The following GRIN2A variants were observed in gnomAD, a reference collection of about 807,000 sequenced individuals.
GRIN2A encodes the protein glutamate ionotropic receptor NMDA type subunit 2A, also known as glutamate receptor ionotropic, NMDA 2A.
In GRIN2A, 22 loss-of-function variants were observed where a neutral mutation model predicts 113.4. The ratio of observed to expected loss-of-function variants is 0.19; its 90% CI spans 0.14 to 0.28. The LOEUF is 0.28. Ranked by LOEUF, GRIN2A falls within the 10% of genes least tolerant of loss-of-function variation. The pLI is 1.00. For synonymous variants in GRIN2A, 827 were observed against 738.4 expected, an observed-to-expected ratio of 1.12 and a Z score of -1.94; for missense variants, 1,502 against 1,887.0, an observed-to-expected ratio of 0.80 and a Z score of 3.78.
chr16:9,833,744 G>C (rs945283071), intron 8 of GRIN2A, among the ~76,000 whole-genome samples: 1 of 152,182 alleles, frequency 6.6e-6, no homozygotes, highest in African/African-American at 2.4e-5. Flanking sequence ...GTGTGTGATT[G>C]AGTCTCGCTC....
chr16:9,999,609 AG>A (rs1376190998), intron 2 of GRIN2A, among the ~76,000 whole-genome samples: 1 of 152,034 alleles, frequency 6.6e-6, no homozygotes, highest in African/African-American at 2.4e-5. Flanking sequence ...GGGCTAGGGG[AG>A]GGATAGCATT....
chr16:9,812,293 C>T (rs1332925537), intron 10 of GRIN2A, among the ~76,000 whole-genome samples: 1 of 152,158 alleles, frequency 6.6e-6, no homozygotes, highest in Admixed American at 6.5e-5. Flanking sequence ...GCATTTAACA[C>T]AGTACCTGGC....
chr16:10,091,004 T>A (rs1207280258), intron 2 of GRIN2A, among the ~76,000 whole-genome samples: 2 of 152,156 alleles, frequency 1.3e-5, no homozygotes, highest in African/African-American at 4.8e-5. Context: ...CACTTCCATA[T>A]ACACACTAGA....
At chr16:9,808,514 T>C (rs776144044) in intron 10 of GRIN2A, among the ~76,000 whole-genome samples, 19 of 152,296 alleles carry the variant, frequency 1.2e-4, no homozygotes, top group Non-Finnish European at 2.4e-4. Context: ...AAAATGCTAT[T>C]ATGTGTTAGA....
chr16:10,028,288 T>C (rs80085879), intron 2 of GRIN2A, among the ~76,000 whole-genome samples: 3,350 of 152,310 alleles, frequency 0.022, 109 homozygotes, highest in East Asian at 0.15. Context: ...CAGCCATGAT[T>C]CAAATGCAGG....
rs561317111 is a variant in GRIN2A at position 10,154,459 on chromosome 16, T to G, written c.414+25539A>C. Among the ~76,000 whole-genome samples the G allele has an allele frequency of 1.1e-4, 16 of 152,278 alleles. 1 individual carries two copies. In the South Asian group the frequency reaches 3.3e-3, roughly 32 times the overall value. On this transcript the variant is annotated intron_variant, in intron 2 of 12. Coordinates refer to ENST00000330684, the MANE Select transcript of GRIN2A (RefSeq NM_001134407.3). Reference sequence around the variant, plus strand: ...GCAATCTAACATTATATATTTACCGTGTTTATATTTTGTCCCCATCCCCTG... The same window carrying G: ...GCAATCTAACATTATATATTTACCGGGTTTATATTTTGTCCCCATCCCCTG...
chr16:9,850,682 C>T (rs1038068506), intron 4 of GRIN2A, among the ~76,000 whole-genome samples: 2 of 152,072 alleles, frequency 1.3e-5, no homozygotes, highest in African/African-American at 4.8e-5. Flanking sequence ...AGATACAGTT[C>T]TATTTAAGTT....
chr16:10,038,025 T>G (rs1567252001), intron 2 of GRIN2A, among the ~76,000 whole-genome samples: 1 of 152,220 alleles, frequency 6.6e-6, no homozygotes, highest in Non-Finnish European at 1.5e-5. Context: ...AATGCTTTTC[T>G]GCCTTAGTCT....
At chr16:9,943,616 C>T (rs2044944088) in intron 2 of GRIN2A, among the ~76,000 whole-genome samples, 1 of 152,178 alleles carries the variant, frequency 6.6e-6, no homozygotes, top group Non-Finnish European at 1.5e-5. Flanking sequence ...CAAGAGATAA[C>T]GCAAGTGGCA....
rs188343655 is a variant in GRIN2A at position 9,980,039 on chromosome 16, C to A, written c.415-41488G>T. ...TTTTGGGAAGCCAAGGCAGGCAGAT[C>A]ACTTGATGCCAGGAGTTCAAGACCA... On this transcript the variant is annotated intron_variant, in intron 2 of 12. Transcript: ENST00000330684. 1.1e-3 allele frequency among the ~76,000 whole-genome samples: 171 copies of A among 151,726 alleles called. 3 individuals are homozygous for A. The highest frequency in any genetic ancestry group is 9.8e-3 in the Admixed American group (149 of 15,216).
At chr16:9,996,024 C>CAAAAAAAAAAAA (rs57133009) in intron 2 of GRIN2A, among the ~76,000 whole-genome samples, 11 of 51,140 alleles carry the variant, frequency 2.2e-4, no homozygotes, top group South Asian at 1.1e-3. Context: ...CAGAGGGTGG[C>CAAAAAAAAAAAA]AAAAAAAAAA....
intron 2 of GRIN2A, among the ~76,000 whole-genome samples, chr16:9,951,982 C>T (rs1451810739): frequency 1.3e-5 from 2 of 152,140 alleles, no homozygotes; most frequent in Non-Finnish European, 2.9e-5. Flanking sequence ...TGCCCAGTGA[C>T]CTCCCAGCCC....
intron 3 of GRIN2A, among the ~76,000 whole-genome samples, chr16:9,922,449 G>C (rs1282880581): frequency 6.6e-6 from 1 of 152,114 alleles, no homozygotes; most frequent in East Asian, 1.9e-4. Context: ...TAAAAACTCG[G>C]ATGAAGGCAG....
chr16:9,972,390 C>T (rs148559225), intron 2 of GRIN2A, among the ~76,000 whole-genome samples: 89 of 152,140 alleles, frequency 5.8e-4, no homozygotes, highest in African/African-American at 2.1e-3. Flanking sequence ...GCAAAAAAGA[C>T]TTACTTTACA....
chr16:9,891,212 T>C, intron 3 of GRIN2A, 112 bp from the exon 4 acceptor site: 1 of 717,470 alleles, frequency 1.4e-6, no homozygotes, highest in South Asian at 1.5e-5. Context: ...CTTACAATGC[T>C]ATATTCATCA....
chr16:9,852,107 C>G lies in GRIN2A; in HGVS notation c.1123-2146G>C, dbSNP rs1949621208. Among the ~76,000 whole-genome samples the G allele has an allele frequency of 2.6e-5, 4 of 152,170 alleles. No homozygotes were observed. In the South Asian group the frequency reaches 8.3e-4, roughly 32 times the overall value. ...CCAATATCACCACTTAGTTTAATTC[C>G]TACAAACTCTACATGGTAAGCATTA... On this transcript the variant is annotated intron_variant, in intron 4 of 12. Coordinates refer to ENST00000330684, the MANE Select transcript of GRIN2A (RefSeq NM_001134407.3).
chr16:9,886,562 C>T (rs185247855), intron 4 of GRIN2A, among the ~76,000 whole-genome samples: 16 of 152,232 alleles, frequency 1.1e-4, no homozygotes, highest in African/African-American at 3.1e-4. Context: ...AGAATCCCAG[C>T]CGACTCCATC....
chr16:10,071,504 A>T (rs138154656), intron 2 of GRIN2A, among the ~76,000 whole-genome samples: 3 of 152,186 alleles, frequency 2.0e-5, no homozygotes, highest in African/African-American at 7.2e-5. Flanking sequence ...CCCTAATAAC[A>T]CTGTATTGAG....
chr16:10,139,322 G>C (rs551284181), intron 2 of GRIN2A, among the ~76,000 whole-genome samples: 2 of 152,336 alleles, frequency 1.3e-5, no homozygotes, highest in East Asian at 3.9e-4. Context: ...ATTATACCCT[G>C]TGGGGAGGCA....
Sources: gnomAD v4.1 joint callset for allele counts (sites outside exome capture counted in the v4.1 genomes callset) on GRCh38, gnomAD v4.1.1 for gene constraint, MANE v1.5 for transcripts, NCBI Gene and HGNC (gene_info 2026-07-23, HGNC 2026-07-21) for gene names.